Variants in XIRP2 observed in about 807,000 individuals in gnomAD.
XIRP2 encodes the protein xin actin binding repeat containing 2, also known as xin actin-binding repeat-containing protein 2.
A neutral mutation model predicts 277.0 loss-of-function variants in XIRP2; 236 were observed. The ratio of observed to expected loss-of-function variants is 0.85; its 90% CI spans 0.77 to 0.95. The LOEUF (loss-of-function observed/expected upper bound fraction) is 0.95, where lower values mean the gene tolerates loss of function less well. Among genes scored for constraint, XIRP2 ranks in the 40% least tolerant of loss-of-function variants. The pLI, the probability that XIRP2 is intolerant of heterozygous loss-of-function variation, is 0.00. For missense variants in XIRP2, 4,640 were observed against 4,157.5 expected, an observed-to-expected ratio of 1.12 and a Z score of -3.19; for synonymous variants, 1,490 against 1,416.5, an observed-to-expected ratio of 1.05 and a Z score of -1.17.
intron 2 of XIRP2, among the ~76,000 whole-genome samples, chr2:167,030,684 C>T (rs573691133): frequency 6.6e-6 from 1 of 152,260 alleles, no homozygotes; most frequent in Admixed American, 6.5e-5. Context: ...AATATATATT[C>T]TGTTGATTTC....
At chr2:166,985,388 C>G (rs995339903) in intron 2 of XIRP2, among the ~76,000 whole-genome samples, 1 of 151,888 alleles carries the variant, frequency 6.6e-6, no homozygotes, top group Non-Finnish European at 1.5e-5. Flanking sequence ...AGGATTAATA[C>G]TTTTTATGTC....
chr2:167,052,717 A>G (rs373923135), intron 2 of XIRP2, among the ~76,000 whole-genome samples: 3 of 152,296 alleles, frequency 2.0e-5, no homozygotes, highest in African/African-American at 7.2e-5. Flanking sequence ...GTAAACCCTG[A>G]TCCAAAAGCC....
At chr2:166,900,185 T>C (rs751552460) in intron 1 of XIRP2, among the ~76,000 whole-genome samples, 3 of 152,114 alleles carry the variant, frequency 2.0e-5, no homozygotes, top group Non-Finnish European at 2.9e-5. Context: ...TTATATTCTA[T>C]GTTTTGTTCA....
In XIRP2 at chr2:167,244,053, A is replaced by G. The variant is rs749922156; in HGVS notation, c.2661A>G (p.Leu887=). The change falls in exon 9 of 11, where the codon TTA becomes TTG. Residue 887 remains leucine (L), a synonymous_variant. Transcript: ENST00000409195. ...HLFETLPIEA[L]KDSPDIGKLQ... is the part of the protein sequence containing the mutation. ...TTGAAACACTTCCAATTGAAGCATT[A>G]AAAGACAGTCCTGATATAGGAAAGC... 5.0e-6 allele frequency: 8 copies of G among 1,613,850 alleles called. No homozygotes were observed. The highest frequency in any genetic ancestry group is 2.2e-5 in the South Asian group (2 of 91,080).
chr2:167,031,281 A>G (rs185692789), intron 2 of XIRP2, among the ~76,000 whole-genome samples: 59 of 152,114 alleles, frequency 3.9e-4, no homozygotes, highest in African/African-American at 1.1e-3. Context: ...CAGTTTCTTC[A>G]TAGTGTTGAT....
chr2:166,976,311 C>A (rs896053761), intron 2 of XIRP2, among the ~76,000 whole-genome samples: 1 of 152,204 alleles, frequency 6.6e-6, no homozygotes. Context: ...ACCAACTTCT[C>A]TAGCTGTGGC....
chr2:167,197,507 A>C (rs11887110), intron 3 of XIRP2, among the ~76,000 whole-genome samples: 4,396 of 152,222 alleles, frequency 0.029, 96 homozygotes, highest in African/African-American at 0.053. Context: ...TGATCTAGAA[A>C]TTTTAGTTCT....
chr2:166,889,658 G>C (rs1354664812), intron 1 of XIRP2: 1 of 152,676 alleles, frequency 6.5e-6, no homozygotes, highest in African/African-American at 2.4e-5. Flanking sequence ...TCTCCTGCTA[G>C]TGCATTTTCT....
intron 3 of XIRP2, among the ~76,000 whole-genome samples, chr2:167,186,625 TG>T (rs769758074): frequency 1.8e-4 from 27 of 152,244 alleles, no homozygotes; most frequent in Admixed American, 3.9e-4. Context: ...AGCATGTGTT[TG>T]GTAAGTCCTG....
intron 2 of XIRP2, among the ~76,000 whole-genome samples, chr2:167,033,143 A>G (rs1361525916): frequency 6.6e-6 from 1 of 152,150 alleles, no homozygotes; most frequent in Non-Finnish European, 1.5e-5. Flanking sequence ...TCTTGCAGGG[A>G]CATGGATGAA....
At chr2:167,083,001 G>T (rs1689788202) in intron 2 of XIRP2, among the ~76,000 whole-genome samples, 1 of 152,178 alleles carries the variant, frequency 6.6e-6, no homozygotes, top group Non-Finnish European at 1.5e-5. Flanking sequence ...TGGTGTTTTA[G>T]ACATGAAGTC....
chr2:166,994,827 G>C (rs893903678), intron 2 of XIRP2, among the ~76,000 whole-genome samples: 5 of 151,866 alleles, frequency 3.3e-5, no homozygotes, highest in Middle Eastern at 3.4e-3. Flanking sequence ...CTAGTTTAAG[G>C]GTTTACAGGA....
chr2:166,931,295 C>G (rs143234131), intron 2 of XIRP2, among the ~76,000 whole-genome samples: 140 of 152,218 alleles, frequency 9.2e-4, no homozygotes, highest in African/African-American at 3.2e-3. Flanking sequence ...AATTTGCATA[C>G]AGTGAGATGT....
In XIRP2 at chr2:167,105,112, A is replaced by G. The variant is rs185487005; in HGVS notation, c.409-30797A>G. ...TTTTAATCAAACTCTTTATTTTTAGATAATTGTAGATCCACACAGAATTGT... is the reference window on the plus strand; with the variant it reads ...TTTTAATCAAACTCTTTATTTTTAGGTAATTGTAGATCCACACAGAATTGT... On this transcript the variant is annotated intron_variant, in intron 2 of 10. Transcript: ENST00000409195. Among the ~76,000 whole-genome samples, 8 of 152,054 alleles carry G rather than the reference A, an allele frequency of 5.3e-5. No individual in the cohort carries two copies. In the East Asian group the frequency reaches 1.6e-3, roughly 29 times the overall value.
intron 2 of XIRP2, among the ~76,000 whole-genome samples, chr2:166,906,068 T>A (rs894442506): frequency 6.6e-6 from 1 of 152,020 alleles, no homozygotes; most frequent in Non-Finnish European, 1.5e-5. Flanking sequence ...GACATTTATG[T>A]TTTTTGAGAC....
rs774868875 is a variant in XIRP2 at position 167,247,035 on chromosome 2, A to G, written c.5643A>G (p.Arg1881=). 15 of 1,613,502 alleles carry G rather than the reference A, an allele frequency of 9.3e-6. No homozygotes were observed. Among genetic ancestry groups the G allele is most frequent in the Non-Finnish European group, 1.3e-5 (15 of 1,179,744 alleles). ...AGTCACTTAAAGAATCAAGCCATCG[A>G]TGGAAAGAATCTAAACAGCCTGATG... ...TLKSLKESSH[R]WKESKQPDAI... is the part of the protein sequence containing the mutation. Residue 1881 remains arginine (R), a synonymous_variant, in exon 9 of 11, where the codon CGA becomes CGG. Transcript: ENST00000409195.
rs756669665 is a variant in XIRP2 at position 167,247,596 on chromosome 2, T to G, written c.6204T>G (p.Thr2068=). 6.2e-7 allele frequency: 1 copy of G among 1,613,608 alleles called. No homozygotes were observed. The highest frequency in any genetic ancestry group is 1.7e-5 in the Admixed American group (1 of 59,960). The stretch of plus-strand genomic sequence containing the variant: ...ACAAAACGGGTGTCTGGACTGATAC[T>G]ACAGGAGAACAGCATCTTAGAGATG... ...SGDKTGVWTD[T]TGEQHLRDEY... The change falls in exon 9 of 11, where the codon ACT becomes ACG. Residue 2068 remains threonine (T), a synonymous_variant. Coordinates refer to ENST00000409195, the MANE Select transcript of XIRP2 (RefSeq NM_152381.6).
intron 4 of XIRP2, among the ~76,000 whole-genome samples, chr2:167,213,792 T>A (rs955276670): frequency 6.6e-6 from 1 of 152,152 alleles, no homozygotes; most frequent in African/African-American, 2.4e-5. Flanking sequence ...TAAACTTTCA[T>A]CTACCCGCAA....
chr2:167,146,294 G>GT (rs1371625901), intron 3 of XIRP2, among the ~76,000 whole-genome samples: 4 of 152,008 alleles, frequency 2.6e-5, no homozygotes, highest in South Asian at 2.1e-4. Flanking sequence ...GAGGTCAGGA[G>GT]TTCAAGACCA....
Sources: gnomAD v4.1 joint callset for allele counts (sites outside exome capture counted in the v4.1 genomes callset) on GRCh38, gnomAD v4.1.1 for gene constraint, MANE v1.5 for transcripts, NCBI Gene and HGNC (gene_info 2026-07-23, HGNC 2026-07-21) for gene names.